DNAH11: variants seen among roughly 807,000 people sequenced by gnomAD.
The protein encoded by DNAH11 is dynein axonemal heavy chain 11, also known as axonemal beta dynein heavy chain 11.
DNAH11 carries 442 observed loss-of-function variants against 526.0 expected under a neutral mutation model. The ratio of observed to expected loss-of-function variants is 0.84; its 90% CI spans 0.78 to 0.91. DNAH11 has a LOEUF of 0.91. Ranked by LOEUF, DNAH11 falls within the 40% of genes least tolerant of loss-of-function variation. The pLI is 0.00. For synonymous variants in DNAH11, 2,461 were observed against 1,935.9 expected, an observed-to-expected ratio of 1.27 and a Z score of -7.12; for missense variants, 6,989 against 5,448.7, an observed-to-expected ratio of 1.28 and a Z score of -8.90.
intron 69 of DNAH11, among the ~76,000 whole-genome samples, chr7:21,863,670 C>T (rs1783161563): frequency 2.6e-5 from 4 of 152,188 alleles, no homozygotes; most frequent in Admixed American, 1.3e-4. Flanking sequence ...TAATACATGA[C>T]ATGAACATCT....
intron 66 of DNAH11, among the ~76,000 whole-genome samples, chr7:21,847,076 C>G (rs1388142368): frequency 6.6e-6 from 1 of 152,062 alleles, no homozygotes; most frequent in South Asian, 2.1e-4. Flanking sequence ...GGTGCCTTCT[C>G]TTGTCTCTTG....
chr7:21,804,298 A>T (rs1789148166), intron 62 of DNAH11, among the ~76,000 whole-genome samples: 1 of 151,890 alleles, frequency 6.6e-6, no homozygotes. Context: ...TTTATTAGAG[A>T]CGGGGTTTCA....
At chr7:21,832,520 T>C (rs959514437) in intron 65 of DNAH11, among the ~76,000 whole-genome samples, 1 of 152,190 alleles carries the variant, frequency 6.6e-6, no homozygotes, top group Admixed American at 6.5e-5. Flanking sequence ...ATGGGTCTCC[T>C]GAATACAGCA....
chr7:21,869,072 C>T (rs72658818), intron 73 of DNAH11, 81 bp downstream of exon 73: 4 of 1,582,120 alleles, frequency 2.5e-6, no homozygotes, highest in Non-Finnish European at 2.6e-6. Flanking sequence ...CAACAGAATG[C>T]TCCCTTAACA....
At chr7:21,879,951 G>C (rs750374333) in intron 74 of DNAH11, among the ~76,000 whole-genome samples, 1 of 151,972 alleles carries the variant, frequency 6.6e-6, no homozygotes, top group Non-Finnish European at 1.5e-5. Context: ...TGGGTGTGGT[G>C]GCATGCACCT....
intron 79 of DNAH11, among the ~76,000 whole-genome samples, chr7:21,896,440 G>A (rs1467781525): frequency 2.6e-5 from 4 of 152,136 alleles, no homozygotes; most frequent in East Asian, 1.9e-4. Flanking sequence ...ATTGTAGAGG[G>A]TGGATCTGGT....
intron 42 of DNAH11, among the ~76,000 whole-genome samples, chr7:21,713,520 C>G (rs537615586): frequency 2.6e-5 from 4 of 152,272 alleles, no homozygotes; most frequent in Admixed American, 6.5e-5. Flanking sequence ...CCTTCGTTCT[C>G]TTGTCCCTCC....
chr7:21,681,349 C>G (rs1342912467), intron 30 of DNAH11, among the ~76,000 whole-genome samples, 197 bp from the exon 31 acceptor site: 1 of 152,004 alleles, frequency 6.6e-6, no homozygotes, highest in Non-Finnish European at 1.5e-5. Flanking sequence ...ATTGCTTGAA[C>G]CCAGGACGCA....
intron 51 of DNAH11, among the ~76,000 whole-genome samples, chr7:21,746,195 C>T (rs565633406): frequency 6.6e-6 from 1 of 152,292 alleles, no homozygotes; most frequent in African/African-American, 2.4e-5. Flanking sequence ...ATGTTTACAT[C>T]CGATACTGCT....
chr7:21,787,493 C>T lies in DNAH11; in HGVS notation c.9834C>T (p.Asp3278=), dbSNP rs1461868653. ...LKVVNEHYLK[D]PEFNPNLIRT... ...TGGTGAATGAACACTATTTGAAAGACCCAGAGTTTAATCCAAACCTGATTC... is the reference window on the plus strand; with the variant it reads ...TGGTGAATGAACACTATTTGAAAGATCCAGAGTTTAATCCAAACCTGATTC... The change falls in exon 60 of 82, where the codon GAC becomes GAT. Residue 3278 remains aspartate, a synonymous_variant. Transcript: ENST00000409508. 6.2e-7 allele frequency: 1 copy of T among 1,613,758 alleles called. No homozygotes were observed. Among genetic ancestry groups the T allele is most frequent in the Non-Finnish European group, 8.5e-7 (1 of 1,179,758 alleles).
intron 55 of DNAH11, among the ~76,000 whole-genome samples, chr7:21,769,809 C>T (rs1438782485): frequency 6.6e-6 from 1 of 152,020 alleles, no homozygotes; most frequent in African/African-American, 2.4e-5. Flanking sequence ...CTCCACTCCT[C>T]CTGAGTCTTC....
Position 21,816,457 on chromosome 7 carries a change from G to A in DNAH11, c.10333-10G>A, listed in dbSNP as rs1353560684. ...TGACCAATTTGTTGCATTCAACTCT[G>A]ATTTTAAAGGTTTCCATTCCACTAA... On this transcript the variant is annotated splice_polypyrimidine_tract_variant and intron_variant, in intron 63 of 81. Transcript: ENST00000409508. 6.3e-7 allele frequency: 1 copy of A among 1,587,206 alleles called. No individual in the cohort carries two copies. The highest frequency in any genetic ancestry group is 8.6e-7 in the Non-Finnish European group (1 of 1,166,248).
chr7:21,892,953 C>T (rs1784379476), intron 77 of DNAH11, among the ~76,000 whole-genome samples: 1 of 152,198 alleles, frequency 6.6e-6, no homozygotes, highest in African/African-American at 2.4e-5. Context: ...GCGCATTCAT[C>T]CATGTCTAAC....
At chr7:21,790,981 C>T in intron 61 of DNAH11, among the ~76,000 whole-genome samples, 1 of 152,218 alleles carries the variant, frequency 6.6e-6, no homozygotes, top group East Asian at 1.9e-4. Flanking sequence ...AACCTAGAGG[C>T]AGGCAGACAA....
chr7:21,577,637 C>T (rs562527291), intron 8 of DNAH11, among the ~76,000 whole-genome samples: 7 of 152,270 alleles, frequency 4.6e-5, no homozygotes, highest in East Asian at 3.9e-4. Context: ...CAAGGAGCCC[C>T]GCCCACCCTT....
chr7:21,606,749 A>G lies in DNAH11; in HGVS notation c.3852+16A>G, dbSNP rs72657306. On this transcript the variant is annotated intron_variant, in intron 20 of 81. Coordinates refer to ENST00000409508, the MANE Select transcript of DNAH11 (RefSeq NM_001277115.2). The stretch of plus-strand genomic sequence containing the variant: ...GCTTGATAAGGTAATACAGATCTCA[A>G]ATATCCTGTGTGCATTAAAATAGCT... The G allele has an allele frequency of 8.2e-5, 130 of 1,587,952 alleles. No individual in the cohort carries two copies. The highest frequency in any genetic ancestry group is 1.0e-4 in the Non-Finnish European group (121 of 1,163,320).
Position 21,741,945 on chromosome 7 carries a change from G to T in DNAH11, c.7933G>T (p.Ala2645Ser). 2 of 1,613,724 alleles carry T rather than the reference G, an allele frequency of 1.2e-6. No individual in the cohort carries two copies. Among genetic ancestry groups the T allele is most frequent in the Non-Finnish European group, 1.7e-6 (2 of 1,179,816 alleles). The stretch of plus-strand genomic sequence containing the variant: ...TTTTCAGAGACATTTCACAGTGTTT[G>T]CATTCAATTTTCCATCTTTGGATGC... ...PRLQRHFTVF[A>S]FNFPSLDALN... The change falls in exon 49 of 82, where the codon GCA becomes TCA. Residue 2645 changes from alanine to serine, a missense_variant. Coordinates refer to ENST00000409508, the MANE Select transcript of DNAH11 (RefSeq NM_001277115.2).
Position 21,570,148 on chromosome 7 carries a change from A to G in DNAH11, c.1274A>G (p.Asn425Ser). 1.2e-6 allele frequency: 2 copies of G among 1,613,460 alleles called. No individual in the cohort carries two copies. Among genetic ancestry groups the G allele is most frequent in the Non-Finnish European group, 1.7e-6 (2 of 1,179,712 alleles). Residue 425 changes from asparagine (N) to serine (S), a missense_variant, in exon 7 of 82, where the codon AAC (asparagine) becomes AGC (serine). Physicochemically the swap from Asn to Ser is conservative, Grantham distance 46. Coordinates refer to ENST00000409508, the MANE Select transcript of DNAH11 (RefSeq NM_001277115.2). ...ESLEKVQVAVNILKTFKNSFF... is the reference protein window; with the variant it reads ...ESLEKVQVAVSILKTFKNSFF... ...CTGGAAAAGGTGCAGGTGGCTGTTA[A>G]CATCTTAAAGACTTTCAAAAACTCC...
intron 65 of DNAH11, among the ~76,000 whole-genome samples, chr7:21,828,282 T>C (rs1039042032): frequency 1.3e-5 from 2 of 152,176 alleles, no homozygotes; most frequent in Non-Finnish European, 1.5e-5. Flanking sequence ...TCTAGAGTTA[T>C]GTAGTTCTCT....
Sources: gnomAD v4.1 joint callset for allele counts (sites outside exome capture counted in the v4.1 genomes callset) on GRCh38, gnomAD v4.1.1 for gene constraint, MANE v1.5 for transcripts, NCBI Gene and HGNC (gene_info 2026-07-23, HGNC 2026-07-21) for gene names.